Variants in MADCAM1 observed in about 807,000 individuals in gnomAD.
The protein encoded by MADCAM1 is mucosal addressin cell adhesion molecule 1.
A neutral mutation model predicts 26.1 loss-of-function variants in MADCAM1; 19 were observed. That is an observed-to-expected ratio of 0.73 (90% confidence interval 0.51 to 1.07). The LOEUF is 1.07. Ranked by LOEUF, MADCAM1 falls within the 50% of genes least tolerant of loss-of-function variation. The pLI, the probability that MADCAM1 is intolerant of heterozygous loss-of-function variation, is 0.00. For missense variants in MADCAM1, 514 were observed against 542.1 expected (o/e 0.95, Z 0.51); for synonymous variants, 268 against 260.9 (o/e 1.03, Z -0.26).
intron 2 of MADCAM1, 39 bp downstream of exon 2, chr19:498,156 G>C: frequency 7.7e-7 from 1 of 1,303,148 alleles, no homozygotes; most frequent in Non-Finnish European, 9.7e-7. Flanking sequence ...CTGACCCTTG[G>C]ACTCCCGGCT....
intron 3 of MADCAM1, chr19:499,069 C>T (rs1468175916): frequency 1.4e-6 from 1 of 705,758 alleles, no homozygotes; most frequent in East Asian, 2.8e-5. Flanking sequence ...GGGTCAAAGC[C>T]CAAGTCCTCC....
At chr19:503,241 C>T (rs945187808) in intron 4 of MADCAM1, among the ~76,000 whole-genome samples, 3 of 151,880 alleles carry the variant, frequency 2.0e-5, no homozygotes, top group Non-Finnish European at 4.4e-5. Flanking sequence ...GAGCCGAGAT[C>T]GCGCCACTGC....
intron 4 of MADCAM1, among the ~76,000 whole-genome samples, chr19:502,155 C>G (rs1978380507): frequency 6.6e-6 from 1 of 152,218 alleles, no homozygotes; most frequent in Admixed American, 6.5e-5. Context: ...GTTTCCTTGT[C>G]TGTCCAGTGG....
At chr19:500,465 C>G (rs889785965) in intron 3 of MADCAM1, among the ~76,000 whole-genome samples, 4 of 152,238 alleles carry the variant, frequency 2.6e-5, no homozygotes, top group Admixed American at 6.5e-5. Flanking sequence ...AGGCCGGGCT[C>G]ACGCCTGTAA....
At chr19:500,929 A>C (rs1184471624) in intron 3 of MADCAM1, among the ~76,000 whole-genome samples, 5 of 151,618 alleles carry the variant, frequency 3.3e-5, no homozygotes, top group Non-Finnish European at 7.4e-5. Flanking sequence ...TAGAAACAAA[A>C]ATGTAGGCCA....
At chr19:498,428 C>A in intron 2 of MADCAM1, 68 bp from the exon 3 acceptor site, 1 of 1,400,908 alleles carries the variant, frequency 7.1e-7, no homozygotes, top group Non-Finnish European at 9.3e-7. Flanking sequence ...CCCCTCCGGG[C>A]TCCGGCCCCT....
At chr19:501,628 G>T (rs1978330414) in intron 3 of MADCAM1, 41 bp from the exon 4 acceptor site, 1 of 1,546,120 alleles carries the variant, frequency 6.5e-7, no homozygotes, top group Non-Finnish European at 8.7e-7. Flanking sequence ...GGCAAGCCTG[G>T]GGCAGCAGAG....
chr19:498,969 C>A, intron 3 of MADCAM1, 144 bp downstream of exon 3: 1 of 1,222,320 alleles, frequency 8.2e-7, no homozygotes, highest in Non-Finnish European at 1.1e-6. Flanking sequence ...CAGCGACATT[C>A]ATCGACGCAA....
intron 3 of MADCAM1, chr19:499,108 AC>A (rs1978304147): frequency 1.1e-5 from 7 of 643,050 alleles, no homozygotes; most frequent in Non-Finnish European, 2.0e-5. Flanking sequence ...TGCACGACCT[AC>A]CCTGTCCCCT....
intron 4 of MADCAM1, among the ~76,000 whole-genome samples, chr19:503,578 CA>C (rs55970128): frequency 2.0e-4 from 24 of 120,078 alleles, no homozygotes; most frequent in African/African-American, 2.6e-4. Context: ...GACTCCGTCT[CA>C]AAAAAAAAAA....
rs952160244 is a variant in MADCAM1 at position 497,978 on chromosome 19, C to T, written c.198C>T (p.Ser66=). The change falls in exon 2 of 5, where the codon AGC becomes AGT. Residue 66 remains serine (S), a synonymous_variant. Transcript: ENST00000215637. ...TGCAGTGGCGGGGCCTGGACACCAG[C>T]CTGGGCGCGGTGCAGTCGGACACGG... ...ASVQWRGLDT[S]LGAVQSDTGR... is the part of the protein sequence containing the mutation. The T allele has an allele frequency of 1.3e-6, 2 of 1,497,724 alleles. No individual in the cohort carries two copies. The highest frequency in any genetic ancestry group is 2.9e-5 in the African/African-American group (2 of 69,490). The allele number at this position is 1,497,724 out of a possible 1,614,324, so 92.8% of individuals were successfully genotyped here. A position where few individuals can be genotyped will look rare whatever the true frequency, so the allele number is the denominator to read the frequency against.
At position 497,868 on chromosome 19, in the gene MADCAM1, C is replaced by T. The variant is rs1978292873; in HGVS notation, c.88C>T (p.Pro30Ser). The T allele has an allele frequency of 7.5e-7, 1 of 1,338,682 alleles. No homozygotes were observed. Among genetic ancestry groups the T allele is most frequent in the Non-Finnish European group, 9.5e-7 (1 of 1,052,600 alleles). 82.9% of individuals were successfully genotyped at this position (1,338,682 alleles called of 1,614,324 possible). A position where few individuals can be genotyped will look rare whatever the true frequency, so the allele number is the denominator to read the frequency against. The change falls in exon 2 of 5, where the codon CCC becomes TCC. Residue 30 changes from proline to serine, a missense_variant. Pro to Ser is a moderately conservative substitution (Grantham distance 74). Coordinates refer to ENST00000215637, the MANE Select transcript of MADCAM1 (RefSeq NM_130760.3). Reference sequence around the variant, plus strand: ...CCAGGTGAAGCCCCTGCAGGTGGAGCCCCCGGAGCCGGTGGTGGCCGTGGC... The same window carrying T: ...CCAGGTGAAGCCCCTGCAGGTGGAGTCCCCGGAGCCGGTGGTGGCCGTGGC... The part of the protein sequence containing the change: ...SLQVKPLQVE[P>S]PEPVVAVALG...
At chr19:504,087 G>A (rs183193570) in intron 4 of MADCAM1, among the ~76,000 whole-genome samples, 304 of 150,348 alleles carry the variant, frequency 2.0e-3, no homozygotes, top group African/African-American at 7.2e-3. Flanking sequence ...CATACATTTC[G>A]CAGAGCCCAA....
At position 498,594 on chromosome 19, in the gene MADCAM1, G is replaced by A; in HGVS notation, c.436G>A (p.Ala146Thr). 5 of 1,482,884 alleles carry A rather than the reference G, an allele frequency of 3.4e-6. No homozygotes were observed. Among genetic ancestry groups the A allele is most frequent in the Non-Finnish European group, 3.6e-6 (4 of 1,120,948 alleles). 91.9% of individuals were successfully genotyped at this position (1,482,884 alleles called of 1,614,324 possible). ...CAAAGTCACGCCCGTGGACCCCAAC[G>A]CGCTCTCCTTCTCCCTGCTCGTCGG... The part of the protein sequence containing the change: ...AHKVTPVDPN[A>T]LSFSLLVGGQ... The change falls in exon 3 of 5, where the codon GCG (alanine) becomes ACG (threonine). Residue 146 changes from alanine to threonine, a missense_variant. Ala to Thr is a moderately conservative substitution (Grantham distance 58). This residue lies in a region of MADCAM1 where 317 missense variants were observed against 313.6 expected (regional missense o/e 1.01). Coordinates refer to ENST00000215637, the MANE Select transcript of MADCAM1 (RefSeq NM_130760.3).
chr19:504,094 C>A (rs1441889545), intron 4 of MADCAM1, among the ~76,000 whole-genome samples: 1 of 151,652 alleles, frequency 6.6e-6, no homozygotes, highest in South Asian at 2.1e-4. Flanking sequence ...TTCGCAGAGC[C>A]CAATATATCC....
intron 4 of MADCAM1, 128 bp downstream of exon 4, chr19:502,057 C>T: frequency 9.5e-7 from 1 of 1,047,584 alleles, no homozygotes; most frequent in Non-Finnish European, 1.3e-6. Context: ...GCCTCAGTTT[C>T]CCCGTCTGCC....
chr19:499,617 A>G (rs1978308903), intron 3 of MADCAM1, among the ~76,000 whole-genome samples: 1 of 152,182 alleles, frequency 6.6e-6, no homozygotes, highest in Admixed American at 6.5e-5. Flanking sequence ...CTTGGATAAC[A>G]TCTGACATCC....
In MADCAM1 at chr19:498,703, T is replaced by A; in HGVS notation, c.545T>A (p.Leu182Gln). 2 of 1,449,166 alleles carry A rather than the reference T, an allele frequency of 1.4e-6. No homozygotes were observed. Among genetic ancestry groups the A allele is most frequent in the Non-Finnish European group, 1.8e-6 (2 of 1,104,876 alleles). 89.8% of individuals were successfully genotyped at this position (1,449,166 alleles called of 1,614,324 possible). A position where few individuals can be genotyped will look rare whatever the true frequency, so the allele number is the denominator to read the frequency against. The change falls in exon 3 of 5, where the codon CTG (leucine) becomes CAG (glutamine). Residue 182 changes from leucine (L) to glutamine (Q), a missense_variant. Around this residue, in one of 3 missense-constraint regions of MADCAM1, gnomAD observed 317 missense variants for 313.6 expected, o/e 1.01. Coordinates refer to ENST00000215637, the MANE Select transcript of MADCAM1 (RefSeq NM_130760.3). ...GAGCCCCAGGGGGACGAGGACGTGC[T>A]GTTCAGGGTGACAGAGCGCTGGCGG... The part of the protein sequence containing the change: ...EEEPQGDEDV[L>Q]FRVTERWRLP...
rs1377136433 is a variant in MADCAM1 at position 504,747 on chromosome 19, T to C, written c.931T>C (p.Ser311Pro). The C allele has an allele frequency of 6.2e-7, 1 of 1,602,934 alleles. No homozygotes were observed. Among genetic ancestry groups the C allele is most frequent in the South Asian group, 1.1e-5 (1 of 90,754 alleles). The change falls in exon 5 of 5, where the codon TCC becomes CCC. Residue 311 changes from serine to proline, a missense_variant and splice_region_variant. By Grantham distance (74) the Ser-to-Pro change is moderately conservative (BLOSUM62 -1). Transcript: ENST00000215637. The stretch of plus-strand genomic sequence containing the variant: ...GGTCTCCTGCACTCTCTCCCCAGCG[T>C]CCAAACCTGCGGGTGACCAGCTGCC... ...TQGEVIPTGS[S>P]KPAGDQLPAA...
Sources: allele counts gnomAD v4.1 joint callset (sites outside exome capture counted in the v4.1 genomes callset), GRCh38; gene constraint gnomAD v4.1.1; regional missense constraint gnomAD v4.1.1; transcripts MANE v1.5; gene names NCBI Gene and HGNC (gene_info 2026-07-23, HGNC 2026-07-21).